The following TRHDE variants were observed in gnomAD, a reference collection of about 807,000 sequenced individuals.
TRHDE encodes the protein thyrotropin-releasing hormone-degrading ectoenzyme.
TRHDE carries 72 observed loss-of-function variants against 125.7 expected under a neutral mutation model. The ratio of observed to expected loss-of-function variants is 0.57; its 90% confidence interval spans 0.47 to 0.70. The LOEUF (loss-of-function observed/expected upper bound fraction) is 0.70, where lower values mean the gene tolerates loss of function less well. Among genes scored for constraint, TRHDE ranks in the 30% least tolerant of loss-of-function variants. The pLI is 0.00. For synonymous variants in TRHDE, 509 were observed against 509.1 expected (o/e 1.00, Z 0.00); for missense variants, 1,110 against 1,327.1 (o/e 0.84, Z 2.54).
At chr12:72,196,328 A>G (rs186914759) in intron 2 of TRHDE, among the ~76,000 whole-genome samples, 135 of 152,238 alleles carry the variant, frequency 8.9e-4, no homozygotes, top group African/African-American at 3.0e-3. Context: ...CAGCCATTTT[A>G]ACAATATTGA....
chr12:72,270,742 G>C (rs538277793), upstream of TRHDE, among the ~76,000 whole-genome samples: 1 of 152,300 alleles, frequency 6.6e-6, no homozygotes, highest in African/African-American at 2.4e-5. Context: ...TGGGGTGGCT[G>C]TTTTCTGAAT....
chr12:72,487,278 G>C (rs1413424798), intron 5 of TRHDE, among the ~76,000 whole-genome samples: 1 of 152,124 alleles, frequency 6.6e-6, no homozygotes, highest in Non-Finnish European at 1.5e-5. Flanking sequence ...GATATTGTCA[G>C]TAGTCCCCAA....
At chr12:72,531,872 C>T (rs1252274668) in intron 6 of TRHDE, among the ~76,000 whole-genome samples, 1 of 152,002 alleles carries the variant, frequency 6.6e-6, no homozygotes, top group Non-Finnish European at 1.5e-5. Flanking sequence ...ACCACTACAA[C>T]TTTATAGTTT....
At chr12:72,193,310 G>C (rs1382303709) in intron 2 of TRHDE, among the ~76,000 whole-genome samples, 1 of 151,496 alleles carries the variant, frequency 6.6e-6, no homozygotes, top group African/African-American at 2.4e-5. Context: ...GGAGGCATTT[G>C]TGCAGTTGTT....
At chr12:72,616,110 A>C (rs190036712) in intron 12 of TRHDE, among the ~76,000 whole-genome samples, 131 of 152,224 alleles carry the variant, frequency 8.6e-4, no homozygotes, top group East Asian at 1.2e-3. Flanking sequence ...AAGGACTCAA[A>C]ACAGAACTTG....
intron 2 of TRHDE, among the ~76,000 whole-genome samples, chr12:72,377,690 C>T (rs536649255): frequency 7.2e-5 from 11 of 152,214 alleles, no homozygotes; most frequent in Non-Finnish European, 1.5e-4. Flanking sequence ...CTGTACCTTC[C>T]TATCTCTAGC....
rs111986915 is a variant in TRHDE at position 72,108,534 on chromosome 12, G to A, written n.279+2782G>A. Among the ~76,000 whole-genome samples, 6 of 152,220 alleles carry A rather than the reference G, an allele frequency of 3.9e-5. 1 individual carries two copies. Among genetic ancestry groups the A allele is most frequent in the Admixed American group, 1.3e-4 (2 of 15,258 alleles). On this transcript the variant is annotated intron_variant and non_coding_transcript_variant, in intron 2 of 4. Transcript: ENST00000548156. Reference sequence around the variant, plus strand: ...CAAGTAGTCAACTAAGCTAATGTGAGTGCCAGCTTCTTCTTCGATGTTTCA... The same window carrying A: ...CAAGTAGTCAACTAAGCTAATGTGAATGCCAGCTTCTTCTTCGATGTTTCA...
chr12:72,448,710 C>A, intron 3 of TRHDE, among the ~76,000 whole-genome samples: 1 of 149,786 alleles, frequency 6.7e-6, no homozygotes, highest in African/African-American at 2.5e-5. Flanking sequence ...CAGGTTAGCC[C>A]AATGATTTGA....
chr12:72,493,761 A>G (rs938952410), intron 5 of TRHDE, among the ~76,000 whole-genome samples: 1 of 151,840 alleles, frequency 6.6e-6, no homozygotes, highest in Non-Finnish European at 1.5e-5. Context: ...ACACTATCTC[A>G]AGTCTGTGTG....
chr12:72,371,444 G>A (rs927829170), intron 2 of TRHDE, among the ~76,000 whole-genome samples: 47 of 151,362 alleles, frequency 3.1e-4, no homozygotes, highest in African/African-American at 1.1e-3. Context: ...ACAATGTGCA[G>A]GTTAGTTATA....
At chr12:72,338,901 C>A (rs538764084) in intron 2 of TRHDE, among the ~76,000 whole-genome samples, 1 of 152,082 alleles carries the variant, frequency 6.6e-6, no homozygotes, top group Non-Finnish European at 1.5e-5. Flanking sequence ...GAAGAAAAAG[C>A]CTTTAAACGC....
At chr12:72,377,239 A>C (rs1032064141) in intron 2 of TRHDE, among the ~76,000 whole-genome samples, 8 of 151,874 alleles carry the variant, frequency 5.3e-5, no homozygotes, top group Non-Finnish European at 1.0e-4. Context: ...TATGAAAACT[A>C]ATCTCATTTT....
intron 2 of TRHDE, among the ~76,000 whole-genome samples, chr12:72,215,217 C>G (rs1877862803): frequency 6.6e-6 from 1 of 151,598 alleles, no homozygotes; most frequent in African/African-American, 2.4e-5. Context: ...TCGCAAGGTG[C>G]TCAGTGGGGG....
intron 2 of TRHDE, among the ~76,000 whole-genome samples, chr12:72,149,307 T>A (rs115233607): frequency 0.03 from 4,579 of 152,268 alleles, 120 homozygotes; most frequent in African/African-American, 0.067. Flanking sequence ...CCATTCCTTC[T>A]TATACCAAGA....
intron 15 of TRHDE, among the ~76,000 whole-genome samples, chr12:72,641,307 A>G (rs993961080): frequency 1.3e-5 from 2 of 152,192 alleles, no homozygotes; most frequent in African/African-American, 4.8e-5. Context: ...TCTAACAGTA[A>G]CAGAATTTAT....
chr12:72,135,634 G>C (rs1216930891), intron 2 of TRHDE, among the ~76,000 whole-genome samples: 1 of 151,968 alleles, frequency 6.6e-6, no homozygotes, highest in Non-Finnish European at 1.5e-5. Context: ...GTCTCTGAAA[G>C]GACTCACAAG....
At chr12:72,398,909 C>T (rs1467580051) in intron 3 of TRHDE, among the ~76,000 whole-genome samples, 1 of 152,138 alleles carries the variant, frequency 6.6e-6, no homozygotes, top group Non-Finnish European at 1.5e-5. Flanking sequence ...AAAATTAAAA[C>T]TCTAAGGCAG....
intron 7 of TRHDE, among the ~76,000 whole-genome samples, chr12:72,546,765 T>C (rs749111943): frequency 1.1e-4 from 17 of 151,600 alleles, no homozygotes; most frequent in Non-Finnish European, 2.5e-4. Flanking sequence ...CTGCCAGCCT[T>C]CCAGAAATAA....
chr12:72,331,667 G>C (rs1384472709), intron 2 of TRHDE, among the ~76,000 whole-genome samples: 9 of 152,150 alleles, frequency 5.9e-5, no homozygotes, highest in Admixed American at 5.9e-4. Flanking sequence ...TGAGGGAAAA[G>C]GAATGAGTTG....
Sources: gnomAD v4.1 joint callset for allele counts (sites outside exome capture counted in the v4.1 genomes callset) on GRCh38, gnomAD v4.1.1 for gene constraint, MANE v1.5 for transcripts, NCBI Gene and HGNC (gene_info 2026-07-23, HGNC 2026-07-21) for gene names.